Variants in BRD10 observed in about 807,000 individuals in gnomAD.
The protein encoded by BRD10 is uncharacterized bromodomain-containing protein 10.
At chr9:5,883,851 T>C in the BRD10 span, among the ~76,000 whole-genome samples, 1 of 152,162 alleles carries the variant, frequency 6.6e-6, no homozygotes, top group East Asian at 1.9e-4. Context: ...ATTAATTTTC[T>C]TAAGTAGCCA....
At chr9:5,975,293 G>T in the BRD10 span, among the ~76,000 whole-genome samples, 37 of 151,812 alleles carry the variant, frequency 2.4e-4, no homozygotes, top group African/African-American at 9.0e-4. Flanking sequence ...TACAAAATTA[G>T]CTGGGCGTGG....
the BRD10 span, among the ~76,000 whole-genome samples, chr9:5,955,231 G>T: frequency 6.6e-6 from 1 of 150,970 alleles, no homozygotes; most frequent in South Asian, 2.1e-4. Flanking sequence ...TACAAGCTAC[G>T]GGGACAACAA....
chr9:5,904,564 C>A, the BRD10 span, among the ~76,000 whole-genome samples: 1 of 152,040 alleles, frequency 6.6e-6, no homozygotes, highest in Non-Finnish European at 1.5e-5. Flanking sequence ...CCTCTGCCTC[C>A]CAGGTTCAAG....
the BRD10 span, chr9:5,920,856 TCA>T: frequency 6.2e-7 from 1 of 1,614,046 alleles, no homozygotes; most frequent in Non-Finnish European, 8.5e-7. Flanking sequence ...TGTCCTGTTT[TCA>T]CAGTTGATAT....
the BRD10 span, chr9:5,944,873 AT>A: frequency 2.7e-6 from 4 of 1,506,302 alleles, no homozygotes; most frequent in East Asian, 2.5e-5. Context: ...ACACCTACCG[AT>A]TTTTTTCTAC....
chr9:5,925,657 G>GT, the BRD10 span, among the ~76,000 whole-genome samples: 6 of 152,036 alleles, frequency 3.9e-5, no homozygotes, highest in East Asian at 9.6e-4. Context: ...GGGAGTAATT[G>GT]TATCTAAACC....
the BRD10 span, among the ~76,000 whole-genome samples, chr9:5,953,274 T>C: frequency 6.6e-6 from 1 of 152,190 alleles, no homozygotes. Context: ...ATAAAACTTT[T>C]GAAAATTGAC....
At chr9:5,942,653 T>C in the BRD10 span, among the ~76,000 whole-genome samples, 68 of 152,280 alleles carry the variant, frequency 4.5e-4, no homozygotes, top group Non-Finnish European at 9.0e-4. Context: ...AGCTCTTATG[T>C]TTAGTAATCT....
the BRD10 span, among the ~76,000 whole-genome samples, chr9:5,972,658 C>G: frequency 6.6e-6 from 1 of 152,188 alleles, no homozygotes; most frequent in Non-Finnish European, 1.5e-5. Context: ...GTTGGCTCCC[C>G]TTCACCTTTT....
At chr9:5,996,318 TG>T in the BRD10 span, among the ~76,000 whole-genome samples, 7,610 of 145,552 alleles carry the variant, frequency 0.052, 497 homozygotes, top group African/African-American at 0.15. Context: ...TTTTTTTTTT[TG>T]TTGTTGTTGT....
the BRD10 span, among the ~76,000 whole-genome samples, chr9:5,892,009 T>G: frequency 2.1e-4 from 32 of 152,230 alleles, no homozygotes; most frequent in African/African-American, 5.5e-4. Context: ...TCTGTGGGAT[T>G]GATATCCAAC....
chr9:5,926,927 T>C, the BRD10 span, among the ~76,000 whole-genome samples: 1 of 152,178 alleles, frequency 6.6e-6, no homozygotes, highest in Non-Finnish European at 1.5e-5. Flanking sequence ...GTGTGGCACA[T>C]AAATATTCAA....
the BRD10 span, among the ~76,000 whole-genome samples, chr9:5,888,024 C>A: frequency 6.6e-6 from 1 of 152,156 alleles, no homozygotes; most frequent in African/African-American, 2.4e-5. Flanking sequence ...CAGCCTTTGT[C>A]CATAGCTCAC....
chr9:5,992,303 C>A, the BRD10 span, among the ~76,000 whole-genome samples: 18 of 152,150 alleles, frequency 1.2e-4, no homozygotes, highest in African/African-American at 4.3e-4. Flanking sequence ...TGGAAGAACA[C>A]AAGCCAAGTT....
chr9:5,908,713 C>A, the BRD10 span: 4 of 1,612,180 alleles, frequency 2.5e-6, no homozygotes, highest in Non-Finnish European at 3.4e-6. Context: ...CCTTAAGAGC[C>A]AGCGAGACAC....
At chr9:5,960,621 C>G in the BRD10 span, among the ~76,000 whole-genome samples, 1 of 151,160 alleles carries the variant, frequency 6.6e-6, no homozygotes, top group African/African-American at 2.4e-5. Context: ...GGAAAACTTT[C>G]CAAACAGAAC....
the BRD10 span, among the ~76,000 whole-genome samples, chr9:5,928,596 C>T: frequency 1.3e-5 from 2 of 152,226 alleles, no homozygotes; most frequent in East Asian, 3.9e-4. Flanking sequence ...GCTATCAACT[C>T]TAGGGCTTTA....
the BRD10 span, chr9:5,922,379 C>T: frequency 6.2e-7 from 1 of 1,613,896 alleles, no homozygotes; most frequent in East Asian, 2.2e-5. Context: ...TCCTGCCTCA[C>T]TCTGGCTAGT....
the BRD10 span, among the ~76,000 whole-genome samples, chr9:5,966,551 C>T: frequency 6.9e-6 from 1 of 145,978 alleles, no homozygotes; most frequent in East Asian, 2.0e-4. Context: ...CCTCTGCCTC[C>T]CGGGTTGAAG....
Sources: allele counts gnomAD v4.1 joint callset (sites outside exome capture counted in the v4.1 genomes callset), GRCh38; gene constraint gnomAD v4.1.1; transcripts MANE v1.5; gene names NCBI Gene and HGNC (gene_info 2026-07-23, HGNC 2026-07-21).